PRPF40B: variants seen among roughly 807,000 people sequenced by gnomAD.
The protein encoded by PRPF40B is pre-mRNA-processing factor 40 homolog B.
In PRPF40B, 56 loss-of-function variants were observed where a neutral mutation model predicts 124.5. The ratio of observed to expected loss-of-function variants is 0.45; its 90% confidence interval spans 0.36 to 0.56. PRPF40B has a LOEUF of 0.56. Among genes scored for constraint, PRPF40B ranks in the 20% least tolerant of loss-of-function variants. The probability of loss-of-function intolerance (pLI) is 0.00; values close to 1 mark genes in which losing one functional copy is unlikely to be tolerated. For missense variants in PRPF40B, 1,053 were observed against 1,169.5 expected, an observed-to-expected ratio of 0.90 and a Z score of 1.45; for synonymous variants, 443 against 426.4, an observed-to-expected ratio of 1.04 and a Z score of -0.48.
intron 7 of PRPF40B, 86 bp downstream of exon 7, chr12:49,633,210 C>A: frequency 7.7e-7 from 1 of 1,296,726 alleles, no homozygotes; most frequent in Non-Finnish European, 1.1e-6. Flanking sequence ...TAACCATATT[C>A]ATGATGGTTC....
At chr12:49,632,378 T>C in intron 4 of PRPF40B, 1 of 594,052 alleles carries the variant, frequency 1.7e-6, no homozygotes, top group Non-Finnish European at 3.0e-6. Context: ...CAAAATACTC[T>C]CACTTGAGGA....
rs746403254 is a variant in PRPF40B, at chr12:49,642,941, G to A, written c.2130G>A (p.Gln710=). 1.2e-6 allele frequency: 2 copies of A among 1,613,426 alleles called. No homozygotes were observed. Among genetic ancestry groups the A allele is most frequent in the Non-Finnish European group, 8.5e-7 (1 of 1,179,636 alleles). Reference sequence around the variant, plus strand: ...TCTGCCTCTAGCAGACTGAATGCCAGCACCTCCACACCAAAGGCCGAAAGC... The same window carrying A: ...TCTGCCTCTAGCAGACTGAATGCCAACACCTCCACACCAAAGGCCGAAAGC... The part of the protein sequence containing the change: ...EFLQVLETEC[Q]HLHTKGRKHG... Residue 710 remains glutamine (Q), a synonymous_variant, in exon 22 of 26, where the codon CAG becomes CAA. Coordinates refer to ENST00000548825, the MANE Select transcript of PRPF40B (RefSeq NM_001031698.3). The surrounding 1 kb of genome is among the most constrained non-coding windows in gnomAD (Gnocchi z 5.8).
At chr12:49,637,390 G>C in intron 16 of PRPF40B, 80 bp from the exon 17 acceptor site, 1 of 943,272 alleles carries the variant, frequency 1.1e-6, no homozygotes, top group Non-Finnish European at 1.7e-6. Flanking sequence ...CTCTTCCTCT[G>C]CCATTCCCTC....
At chr12:49,636,025 T>C (rs754666283) in intron 15 of PRPF40B, 32 bp downstream of exon 15, 1 of 1,611,568 alleles carries the variant, frequency 6.2e-7, no homozygotes, top group Non-Finnish European at 8.5e-7. Flanking sequence ...CAGCTATCCC[T>C]TTCCCTTTCT....
At chr12:49,640,936 G>C (rs1351374649) in intron 18 of PRPF40B, 1 of 152,102 alleles carries the variant, frequency 6.6e-6, no homozygotes, top group Non-Finnish European at 1.5e-5. Flanking sequence ...GTGTTGATAA[G>C]GACTGTAGCA....
At position 49,637,827 on chromosome 12, in the gene PRPF40B, G is replaced by T. The variant is rs375655413; in HGVS notation, c.1767+3G>T. ...AGATCATTAAGGACATCCTTAAGGT[G>T]AGGGAGGCTGGGGTTATGGATGGAT... On this transcript the variant is annotated splice_donor_region_variant and intron_variant, in intron 18 of 25. Coordinates refer to ENST00000548825, the MANE Select transcript of PRPF40B (RefSeq NM_001031698.3). 25 of 1,600,898 alleles carry T rather than the reference G, an allele frequency of 1.6e-5. No homozygotes were observed. Among genetic ancestry groups the T allele is most frequent in the Middle Eastern group, 3.3e-4 (2 of 6,020 alleles).
chr12:49,632,570 C>T, intron 4 of PRPF40B, 26 bp from the exon 5 acceptor site: 3 of 1,612,684 alleles, frequency 1.9e-6, no homozygotes, highest in Non-Finnish European at 2.5e-6. Flanking sequence ...TGGCCCCAAC[C>T]CTTCCCCCTC....
chr12:49,637,626 C>T, intron 17 of PRPF40B, 42 bp downstream of exon 17: 3 of 1,589,676 alleles, frequency 1.9e-6, no homozygotes, highest in Non-Finnish European at 2.6e-6. Flanking sequence ...TGGCTTCCTG[C>T]CCTGCCAGCC....
Position 49,632,997 on chromosome 12 carries a change from C to CCT in PRPF40B, c.349-16_349-15insTC. ...AAGGGGCCTTGACCACCATTCTGTGCCCCCCCCCCCACCCAGAGGGCCCTA... is the reference window on the plus strand; with the variant it reads ...AAGGGGCCTTGACCACCATTCTGTGCCTCCCCCCCCCCACCCAGAGGGCCCTA... On this transcript the variant is annotated splice_polypyrimidine_tract_variant and intron_variant, in intron 6 of 25. Coordinates refer to ENST00000548825, the MANE Select transcript of PRPF40B (RefSeq NM_001031698.3). 4.3e-6 allele frequency: 1 copy of CCT among 230,076 alleles called. No individual in the cohort carries two copies. Among genetic ancestry groups the CCT allele is most frequent in the Non-Finnish European group, 7.7e-6 (1 of 129,264 alleles). The allele number at this position is 230,076 out of a possible 1,614,324, so 14.3% of individuals were successfully genotyped here. A position where few individuals can be genotyped will look rare whatever the true frequency, so the allele number is the denominator to read the frequency against.
rs1941128831 is a variant in PRPF40B at position 49,630,613 on chromosome 12, G to GCCCCCTTCCCACCGGGGCC, written c.74_75insCCCTTCCCACCGGGGCCCC (p.Pro27SerfsTer102). ...CCTTCCCACCGGGGCCCCCCATGAT[G>GCCCCCTTCCCACCGGGGCC]CCACCACCCTTCGTAAGTTTTATGT... On this transcript the variant is annotated frameshift_variant, in exon 2 of 26. Coordinates refer to ENST00000548825, the MANE Select transcript of PRPF40B (RefSeq NM_001031698.3). LOFTEE classifies it high-confidence loss of function. 4.6e-6 allele frequency: 6 copies of GCCCCCTTCCCACCGGGGCC among 1,312,120 alleles called. No homozygotes were observed. Among genetic ancestry groups the GCCCCCTTCCCACCGGGGCC allele is most frequent in the Non-Finnish European group, 6.6e-6 (6 of 906,622 alleles). The allele number at this position is 1,312,120 out of a possible 1,614,324, so 81.3% of individuals were successfully genotyped here.
rs923294921 is a variant in PRPF40B, at chr12:49,642,434, T to C, written c.2022+62T>C. 1.9e-6 allele frequency: 3 copies of C among 1,593,114 alleles called. No homozygotes were observed. The highest frequency in any genetic ancestry group is 1.3e-5 in the African/African-American group (1 of 74,470). On this transcript the variant is annotated intron_variant, in intron 20 of 25. Transcript: ENST00000548825. The surrounding 1 kb of genome is among the most constrained non-coding windows in gnomAD (Gnocchi z 5.8). ...CCTGAGGGCAGCGGTGCTTCACCAC[T>C]GAGGGCCCACCCCAGTCACGTCACA...
rs905139590 is a variant in PRPF40B at position 49,632,503 on chromosome 12, T to G, written c.295-93T>G. The G allele has an allele frequency of 3.7e-6, 5 of 1,337,858 alleles. No individual in the cohort carries two copies. The African/African-American group carries it at 5.9e-5, about 16-fold the overall frequency. 82.9% of individuals were successfully genotyped at this position (1,337,858 alleles called of 1,614,324 possible). A position where few individuals can be genotyped will look rare whatever the true frequency, so the allele number is the denominator to read the frequency against. On this transcript the variant is annotated intron_variant, in intron 4 of 25. Transcript: ENST00000548825. ...ATCTCTAGGAGCAGGACACATGGATTCTGGCCTGGCCTGCTTCTCCATCCC... is the reference window on the plus strand; with the variant it reads ...ATCTCTAGGAGCAGGACACATGGATGCTGGCCTGGCCTGCTTCTCCATCCC...
chr12:49,628,013 G>A (rs1940879953), intron 1 of PRPF40B, among the ~76,000 whole-genome samples: 1 of 152,152 alleles, frequency 6.6e-6, no homozygotes, highest in Non-Finnish European at 1.5e-5. Flanking sequence ...CTGGAGCCTG[G>A]TAGGACCCAA....
chr12:49,639,128 TTC>T (rs1942255398), intron 18 of PRPF40B: 1 of 152,202 alleles, frequency 6.6e-6, no homozygotes, highest in Non-Finnish European at 1.5e-5. Context: ...ATTTGGATTT[TTC>T]TCTCGTAAGT....
chr12:49,639,510 G>A (rs1275600549), intron 18 of PRPF40B: 1 of 152,296 alleles, frequency 6.6e-6, no homozygotes, highest in East Asian at 1.9e-4. Flanking sequence ...CGCTCCAGCT[G>A]TTCTTCTGAG....
rs112834443 is a variant in PRPF40B, at chr12:49,632,114, C to T, written c.294+189C>T. Reference sequence around the variant, plus strand: ...CAGCTCTTCTAGTTTCCCACTCATCCCCAAAGGCATATACATTCTCTTGTT... The same window carrying T: ...CAGCTCTTCTAGTTTCCCACTCATCTCCAAAGGCATATACATTCTCTTGTT... On this transcript the variant is annotated intron_variant, in intron 4 of 25. Coordinates refer to ENST00000548825, the MANE Select transcript of PRPF40B (RefSeq NM_001031698.3). 2.7e-3 allele frequency: 1,746 copies of T among 651,494 alleles called. 20 individuals carry two copies. The African/African-American group carries it at 0.027, about 10-fold the overall frequency. 40.4% of individuals were successfully genotyped at this position (651,494 alleles called of 1,614,324 possible). A position where few individuals can be genotyped will look rare whatever the true frequency, so the allele number is the denominator to read the frequency against.
chr12:49,624,482 A>C (rs1371934410), intron 1 of PRPF40B, among the ~76,000 whole-genome samples: 2 of 152,230 alleles, frequency 1.3e-5, no homozygotes, highest in Admixed American at 6.5e-5. Flanking sequence ...GTTGAAACCT[A>C]ACTCCACAAT....
Position 49,632,996 on chromosome 12 carries a change from G to GTCCCC in PRPF40B, c.349-18_349-17insTCCCC. On this transcript the variant is annotated splice_polypyrimidine_tract_variant and intron_variant, in intron 6 of 25. Transcript: ENST00000548825. ...AAAGGGGCCTTGACCACCATTCTGT[G>GTCCCC]CCCCCCCCCCCACCCAGAGGGCCCT... The GTCCCC allele has an allele frequency of 8.7e-7, 1 of 1,147,396 alleles. No homozygotes were observed. The highest frequency in any genetic ancestry group is 1.4e-5 in the South Asian group (1 of 70,348). The allele number at this position is 1,147,396 out of a possible 1,614,324, so 71.1% of individuals were successfully genotyped here.
In PRPF40B at chr12:49,630,569, C is replaced by G; in HGVS notation, c.28C>G (p.Pro10Ala). The G allele has an allele frequency of 4.3e-6, 6 of 1,395,530 alleles. No homozygotes were observed. Among genetic ancestry groups the G allele is most frequent in the South Asian group, 1.2e-5 (1 of 83,174 alleles). The allele number at this position is 1,395,530 out of a possible 1,614,324, so 86.4% of individuals were successfully genotyped here. Reference protein sequence around the residue: MSVPDSGPRPPAAPAPFPPG... With the variant: MSVPDSGPRAPAAPAPFPPG... ...GTCGGTTCCCGATTCTGGTCCCCGGCCCCCAGCAGCGCCTGCCCCCTTCCC... is the reference window on the plus strand; with the variant it reads ...GTCGGTTCCCGATTCTGGTCCCCGGGCCCCAGCAGCGCCTGCCCCCTTCCC... Residue 10 changes from proline to alanine, a missense_variant, in exon 2 of 26, where the codon CCC becomes GCC. Pro to Ala is a conservative substitution (Grantham distance 27). Coordinates refer to ENST00000548825, the MANE Select transcript of PRPF40B (RefSeq NM_001031698.3).
Sources: gnomAD v4.1 joint callset for allele counts (sites outside exome capture counted in the v4.1 genomes callset) on GRCh38, gnomAD v4.1.1 for gene constraint, Gnocchi (gnomAD v3.1) non-coding constraint, MANE v1.5 for transcripts, NCBI Gene and HGNC (gene_info 2026-07-23, HGNC 2026-07-21) for gene names.